The following NEB variants were observed in gnomAD, a reference collection of about 807,000 sequenced individuals.
The protein encoded by NEB is nebulin, also known as nemaline myopathy type 2.
In NEB, 512 loss-of-function variants were observed where a neutral mutation model predicts 952.2. The observed-to-expected ratio is 0.54, with a 90% CI of 0.50 to 0.58. The LOEUF (loss-of-function observed/expected upper bound fraction) is 0.58, where lower values mean the gene tolerates loss of function less well. NEB is among the 20% of genes least tolerant of loss of function. The pLI is 0.00. For synonymous variants in NEB, 2,900 were observed against 3,149.8 expected (o/e 0.92, Z 2.66); for missense variants, 8,428 against 9,231.1 (o/e 0.91, Z 3.56).
rs767231395 is a variant in NEB at position 151,612,279 on chromosome 2, C to T, written c.11712G>A (p.Lys3904=). The T allele has an allele frequency of 1.6e-5, 26 of 1,613,742 alleles. No individual in the cohort carries two copies. Among genetic ancestry groups the T allele is most frequent in the African/African-American group, 8.0e-5 (6 of 74,924 alleles). Residue 3904 remains lysine, a synonymous_variant, in exon 78 of 182, where the codon AAG becomes AAA. Coordinates refer to ENST00000397345, the MANE Select transcript of NEB (RefSeq NM_001164508.2). ...TGAGCTGGTCTGCAGGCTGGCGATA[C>T]TTCCTGTCACTCAGGATTTCTCCAG... ...KRAGEILSDR[K]YRQPADQLKF...
rs371778394 is a variant in NEB at position 151,690,837 on chromosome 2, G to A, written c.2212-12C>T. The A allele has an allele frequency of 2.6e-6, 4 of 1,522,832 alleles. No homozygotes were observed. Among genetic ancestry groups the A allele is most frequent in the Non-Finnish European group, 3.6e-6 (4 of 1,115,060 alleles). The allele number at this position is 1,522,832 out of a possible 1,614,324, so 94.3% of individuals were successfully genotyped here. On this transcript the variant is annotated splice_polypyrimidine_tract_variant and intron_variant, in intron 23 of 181. Transcript: ENST00000397345. ...ACTTTGTAGGTATGCTAGAAAAGAA[G>A]ATGTTCTTTAATGAAATATCAGTAT...
rs184024704 is a variant in NEB, at chr2:151,702,951, G to T, written c.1152+3930C>A. On this transcript the variant is annotated intron_variant, in intron 13 of 181. Coordinates refer to ENST00000397345, the MANE Select transcript of NEB (RefSeq NM_001164508.2). ...CGTTAGTTGATGCAGTTTCTTCCTA[G>T]TCTCGATGGTCTTTACATTTGGGCA... Among the ~76,000 whole-genome samples, 1,069 of 152,168 alleles carry T rather than the reference G, an allele frequency of 7.0e-3. 21 individuals carry two copies. The highest frequency in any genetic ancestry group is 0.063 in the East Asian group (325 of 5,190).
rs973893095 is a variant in NEB at position 151,567,262 on chromosome 2, T to C, written c.18062A>G (p.Asp6021Gly). 1.2e-6 allele frequency: 2 copies of C among 1,613,776 alleles called. No homozygotes were observed. The highest frequency in any genetic ancestry group is 2.7e-5 in the African/African-American group (2 of 74,924). ...AAKQGQTLVS[D>G]IDYRNYLHQW... ...GTGCAAGTAATTACGATAATCAATA[T>C]CACTGACAAGGGTCTGCCCCTGCTT... The change falls in exon 114 of 182, where the codon GAT (aspartate) becomes GGT (glycine). Residue 6021 changes from aspartate (D) to glycine (G), a missense_variant. Around this residue, in one of 11 missense-constraint regions of NEB, gnomAD observed 3,374 missense variants for 3,651.5 expected, o/e 0.92. Transcript: ENST00000397345.
chr2:151,711,386 C>G (rs1335879735), intron 10 of NEB, among the ~76,000 whole-genome samples: 1 of 152,182 alleles, frequency 6.6e-6, no homozygotes, highest in Non-Finnish European at 1.5e-5. Context: ...ACTAATGGGT[C>G]TCAAGGCACT....
At chr2:151,507,892 G>T (rs1246474690) in intron 162 of NEB, 113 bp downstream of exon 162, 3 of 709,792 alleles carry the variant, frequency 4.2e-6, no homozygotes, top group Non-Finnish European at 7.5e-6. Flanking sequence ...GGCAGGATGG[G>T]AGTTGTGGAG....
chr2:151,617,499 G>C, intron 74 of NEB, 31 bp from the exon 75 acceptor site: 8 of 1,326,164 alleles, frequency 6.0e-6, no homozygotes, highest in Non-Finnish European at 8.2e-6. Context: ...GAGAGAGAGA[G>C]AGAGAAAAAT....
chr2:151,688,217 C>A, intron 25 of NEB, 75 bp downstream of exon 25: 2 of 1,230,004 alleles, frequency 1.6e-6, no homozygotes, highest in South Asian at 1.4e-5. Flanking sequence ...AATTCCTTGT[C>A]TTGTCTTTTA....
chr2:151,550,266 C>CAAAA (rs57057802), intron 129 of NEB, among the ~76,000 whole-genome samples: 3 of 73,366 alleles, frequency 4.1e-5, no homozygotes, highest in African/African-American at 5.3e-5. Flanking sequence ...ACCCTGTCTC[C>CAAAA]AAAAAAAAAA....
intron 12 of NEB, among the ~76,000 whole-genome samples, chr2:151,707,398 C>T (rs2099710818): frequency 6.6e-6 from 1 of 152,176 alleles, no homozygotes; most frequent in South Asian, 2.1e-4. Context: ...TCTCAACCCC[C>T]AGCTACCTAC....
chr2:151,538,058 GA>G, intron 139 of NEB, 81 bp downstream of exon 139: 1 of 1,505,494 alleles, frequency 6.6e-7, no homozygotes, highest in South Asian at 1.1e-5. Context: ...AATTTCAGAA[GA>G]GGGAGGTTGC....
In NEB at chr2:151,640,503, G is replaced by A. The variant is rs765207403; in HGVS notation, c.8537C>T (p.Pro2846Leu). 1.1e-5 allele frequency: 17 copies of A among 1,613,794 alleles called. No individual in the cohort carries two copies. Among genetic ancestry groups the A allele is most frequent in the African/African-American group, 2.7e-5 (2 of 74,898 alleles). The change falls in exon 61 of 182, where the codon CCA becomes CTA. Residue 2846 changes from proline (P) to leucine (L), a missense_variant. Transcript: ENST00000397345. ...CAGCACCACCCCCAGCATGTCCACT[G>A]GGCTGCTGAACTTGGTCTTCCACTT... ...FEKWKTKFSSPVDMLGVVLAK... is the reference protein window; with the variant it reads ...FEKWKTKFSSLVDMLGVVLAK...
chr2:151,650,358 C>G lies in NEB; in HGVS notation c.7249G>C (p.Glu2417Gln). The change falls in exon 54 of 182, where the codon GAG becomes CAG. Residue 2417 changes from glutamate to glutamine, a missense_variant. By Grantham distance (29) the Glu-to-Gln change is conservative (BLOSUM62 2). Coordinates refer to ENST00000397345, the MANE Select transcript of NEB (RefSeq NM_001164508.2). ...QSENLYKSDL[E>Q]WLRGIGWSPL... ...CTCCATCCTATGCCTCTCAGCCACT[C>G]AAGGTCAGATTTATATAGATTCTGT... 6.2e-7 allele frequency: 1 copy of G among 1,613,878 alleles called. No homozygotes were observed. Among genetic ancestry groups the G allele is most frequent in the Non-Finnish European group, 8.5e-7 (1 of 1,179,822 alleles).
rs2064454822 is a variant in NEB at position 151,501,430 on chromosome 2, C to T, written c.23982G>A (p.Glu7994=). ...CTTGATTGAGTTTGACTCGCTCCAT[C>T]TCAGGAGTGACAGGTAGGGGAGTCC... ...SKGTPLPVTP[E]MERVKLNQEN... The change falls in exon 168 of 182, where the codon GAG becomes GAA. Residue 7994 remains glutamate, a synonymous_variant. Coordinates refer to ENST00000397345, the MANE Select transcript of NEB (RefSeq NM_001164508.2). The T allele has an allele frequency of 6.5e-7, 1 of 1,548,440 alleles. No individual in the cohort carries two copies. Among genetic ancestry groups the T allele is most frequent in the Non-Finnish European group, 8.7e-7 (1 of 1,145,014 alleles).
intron 135 of NEB, among the ~76,000 whole-genome samples, chr2:151,541,932 C>T (rs1183189889): frequency 6.6e-6 from 1 of 152,186 alleles, no homozygotes; most frequent in South Asian, 2.1e-4. Context: ...ATTAATTAAG[C>T]CTTTTCCAGT....
At chr2:151,640,274 T>C in intron 61 of NEB, 81 bp downstream of exon 61, 2 of 1,564,818 alleles carry the variant, frequency 1.3e-6, no homozygotes, top group Non-Finnish European at 1.7e-6. Flanking sequence ...CTGGTGAGCT[T>C]GTGCCATATA....
At chr2:151,668,706 T>C (rs1031669033) in intron 39 of NEB, among the ~76,000 whole-genome samples, 9 of 152,206 alleles carry the variant, frequency 5.9e-5, no homozygotes, top group Admixed American at 2.6e-4. Context: ...TAAAAAGCAA[T>C]GTTTTCCATA....
chr2:151,571,992 T>C (rs2096644972), intron 107 of NEB, among the ~76,000 whole-genome samples: 1 of 152,212 alleles, frequency 6.6e-6, no homozygotes, highest in South Asian at 2.1e-4. Context: ...ACTGACTTGT[T>C]TTCTGTACAG....
At chr2:151,609,025 C>T (rs191344391) in intron 81 of NEB, among the ~76,000 whole-genome samples, 1 of 142,104 alleles carries the variant, frequency 7.0e-6, no homozygotes, top group Non-Finnish European at 1.6e-5. Context: ...GTACATGCAA[C>T]GGCAAAGCAA....
At position 151,724,963 on chromosome 2, in the gene NEB, T is replaced by C; in HGVS notation, c.403-2A>G. 1 of 1,611,308 alleles carries C rather than the reference T, an allele frequency of 6.2e-7. No homozygotes were observed. Among genetic ancestry groups the C allele is most frequent in the Non-Finnish European group, 8.5e-7 (1 of 1,177,746 alleles). On this transcript the variant is annotated splice_acceptor_variant, in intron 6 of 181. Transcript: ENST00000397345. LOFTEE classifies it high-confidence loss of function. Reference sequence around the variant, plus strand: ...ATCACCATCCATTCGATACTTAACCTGCCCAAATAATGCACAGTTAGAGTT... The same window carrying C: ...ATCACCATCCATTCGATACTTAACCCGCCCAAATAATGCACAGTTAGAGTT...
Sources: gnomAD v4.1 joint callset for allele counts (sites outside exome capture counted in the v4.1 genomes callset) on GRCh38, gnomAD v4.1.1 for gene constraint, gnomAD v4.1.1 regional missense constraint, MANE v1.5 for transcripts, NCBI Gene and HGNC (gene_info 2026-07-23, HGNC 2026-07-21) for gene names.